DNASE1: variants seen among roughly 807,000 people sequenced by gnomAD.
The protein encoded by DNASE1 is deoxyribonuclease 1, also known as deoxyribonuclease-1.
In DNASE1, 40 loss-of-function variants were observed where a neutral mutation model predicts 33.9. That is an observed-to-expected ratio of 1.18 (90% CI 0.92 to 1.54). The LOEUF is 1.54. Among genes scored for constraint, DNASE1 ranks in the 40% most tolerant of loss-of-function variants. The probability of loss-of-function intolerance (pLI) is 0.00; values close to 1 mark genes in which losing one functional copy is unlikely to be tolerated. For missense variants in DNASE1, 518 were observed against 372.6 expected, an observed-to-expected ratio of 1.39 and a Z score of -3.21; for synonymous variants, 216 against 160.0, an observed-to-expected ratio of 1.35 and a Z score of -2.64.
Position 3,657,891 on chromosome 16 carries a change from C to G in DNASE1, c.802-15C>G. The G allele has an allele frequency of 1.9e-6, 3 of 1,614,000 alleles. No homozygotes were observed. Among genetic ancestry groups the G allele is most frequent in the Non-Finnish European group, 2.5e-6 (3 of 1,180,002 alleles). On this transcript the variant is annotated splice_polypyrimidine_tract_variant and intron_variant, in intron 8 of 8. Transcript: ENST00000246949. ...AGGTAGGCTCAGCCCAGACCCTGTG[C>G]CCACTTGCCTGCAGGCCCAAGCCAT...
At chr16:3,646,977 G>A (rs1019035544) in intron 1 of DNASE1, among the ~76,000 whole-genome samples, 1 of 152,126 alleles carries the variant, frequency 6.6e-6, no homozygotes, top group Non-Finnish European at 1.5e-5. Context: ...GCAAGTTTAT[G>A]ATGCCTGATG....
intron 1 of DNASE1, among the ~76,000 whole-genome samples, chr16:3,649,476 A>G (rs375278453): frequency 1.2e-4 from 18 of 152,330 alleles, no homozygotes; most frequent in East Asian, 9.6e-4. Context: ...ATCTGTTGCA[A>G]TTATTCTTTT....
exon 10 of DNASE1, chr16:3,664,081 C>CA (rs375478230): frequency 2.1e-4 from 122 of 593,080 alleles, no homozygotes; most frequent in East Asian, 1.8e-3. Flanking sequence ...AAAAAACAAA[C>CA]AAAAAAAACC....
At chr16:3,638,637 C>G (rs894702779), upstream of DNASE1, among the ~76,000 whole-genome samples, 3 of 152,328 alleles carry the variant, frequency 2.0e-5, no homozygotes, top group Admixed American at 2.0e-4. Flanking sequence ...CACGCCCGGC[C>G]TCTGTTTGGG....
chr16:3,646,829 C>T (rs1486615507), intron 1 of DNASE1, among the ~76,000 whole-genome samples: 1 of 152,048 alleles, frequency 6.6e-6, no homozygotes, highest in Non-Finnish European at 1.5e-5. Flanking sequence ...CGTGCAGGCT[C>T]AGGGTGCATG....
At chr16:3,655,683 A>T (rs1404611195) in intron 2 of DNASE1, among the ~76,000 whole-genome samples, 163 bp downstream of exon 2, 2 of 152,168 alleles carry the variant, frequency 1.3e-5, no homozygotes, top group Non-Finnish European at 2.9e-5. Flanking sequence ...CAAGGTCCTC[A>T]TCCCTGCTGT....
Position 3,634,267 on chromosome 16 carries a change from C to T in DNASE1, c.-1358-6448C>T, listed in dbSNP as rs147541400. ...TTTTTGAGACAGAGTTTCGCTCTGT[C>T]ACCCAGGCTGGAGTGCAGTGGCGCA... On this transcript the variant is annotated intron_variant and NMD_transcript_variant, in intron 1 of 11. Transcript: ENST00000570769. Among the ~76,000 whole-genome samples the T allele has an allele frequency of 1.6e-3, 245 of 152,070 alleles. 5 individuals are homozygous for T. The Middle Eastern group carries it at 0.021, about 13-fold the overall frequency.
upstream of DNASE1, among the ~76,000 whole-genome samples, chr16:3,637,986 T>G (rs2041920866): frequency 6.6e-6 from 1 of 152,178 alleles, no homozygotes; most frequent in Non-Finnish European, 1.5e-5. Context: ...CTTGTAAGGA[T>G]GGTAGTGACA....
chr16:3,634,499 A>T (rs966689971), intron 1 of DNASE1, among the ~76,000 whole-genome samples: 1 of 151,948 alleles, frequency 6.6e-6, no homozygotes, highest in Admixed American at 6.6e-5. Context: ...AAGTGCTGGG[A>T]TTACAGGCAT....
downstream of DNASE1, chr16:3,658,960 C>T (rs1036850099): frequency 2.2e-5 from 27 of 1,247,248 alleles, 1 homozygote; most frequent in South Asian, 2.6e-5. Flanking sequence ...TAAAGAAGCA[C>T]AGTAAGACTG....
intron 1 of DNASE1, among the ~76,000 whole-genome samples, chr16:3,649,552 A>G (rs188921180): frequency 4.6e-5 from 7 of 152,360 alleles, no homozygotes; most frequent in African/African-American, 1.7e-4. Flanking sequence ...TGAATGATGA[A>G]GGATAGAAAA....
upstream of DNASE1, chr16:3,641,204 A>G (rs2042013712): frequency 2.7e-5 from 10 of 368,988 alleles, no homozygotes; most frequent in East Asian, 3.5e-4. Context: ...CATGTGGGCC[A>G]CAGGGGAGGA....
chr16:3,631,247 G>C (rs558943567), intron 1 of DNASE1, among the ~76,000 whole-genome samples: 1 of 151,872 alleles, frequency 6.6e-6, no homozygotes, highest in East Asian at 1.9e-4. Context: ...CTGTTGCCCA[G>C]ACTGGAGTGC....
chr16:3,612,728 G>A (rs1034109649), intron 1 of DNASE1, among the ~76,000 whole-genome samples: 1 of 152,048 alleles, frequency 6.6e-6, no homozygotes, highest in Non-Finnish European at 1.5e-5. Context: ...GTTTTTAAAG[G>A]CCTAATTACA....
intron 1 of DNASE1, among the ~76,000 whole-genome samples, chr16:3,623,860 T>C (rs1346869570): frequency 6.6e-6 from 1 of 152,150 alleles, no homozygotes; most frequent in Admixed American, 6.5e-5. Flanking sequence ...CAGTGAGATA[T>C]CATCTTACAC....
In DNASE1 at chr16:3,621,661, A is replaced by C. The variant is rs75648403; in HGVS notation, c.-1359+9655A>C. On this transcript the variant is annotated intron_variant and NMD_transcript_variant, in intron 1 of 11. Transcript: ENST00000570769. ...TGTCTTGGAGATTTTTCCTTATTAC[A>C]TATAAATCTATCATTTTGTTTAGCA... Among the ~76,000 whole-genome samples the C allele has an allele frequency of 3.5e-3, 536 of 152,290 alleles. 3 individuals carry two copies. The highest frequency in any genetic ancestry group is 0.012 in the African/African-American group (511 of 41,548).
chr16:3,654,157 C>T (rs1341998907), upstream of DNASE1: 1 of 391,966 alleles, frequency 2.6e-6, no homozygotes. Flanking sequence ...ATTACTGGAC[C>T]TGAGGCCTGG....
upstream of DNASE1, chr16:3,654,590 C>T (rs1255604872): frequency 5.0e-6 from 2 of 398,664 alleles, no homozygotes; most frequent in African/African-American, 2.1e-5. Context: ...CTGCCCTATC[C>T]TGGAAGATGG....
At chr16:3,664,774 T>G in exon 10 of DNASE1, 2 of 308,950 alleles carry the variant, frequency 6.5e-6, no homozygotes, top group Non-Finnish European at 1.2e-5. Flanking sequence ...ACCCAGCGTC[T>G]TCCCTCTGCC....
Sources: allele counts gnomAD v4.1 joint callset (sites outside exome capture counted in the v4.1 genomes callset), GRCh38; gene constraint gnomAD v4.1.1; transcripts MANE v1.5; gene names NCBI Gene and HGNC (gene_info 2026-07-23, HGNC 2026-07-21).